COL6A6: variants seen among roughly 807,000 people sequenced by gnomAD.
The protein encoded by COL6A6 is collagen alpha-6(VI) chain.
A neutral mutation model predicts 208.6 loss-of-function variants in COL6A6; 183 were observed. That is an observed-to-expected ratio of 0.88 (90% CI 0.78 to 0.99). The LOEUF is 0.99. Ranked by LOEUF, COL6A6 falls within the 50% of genes least tolerant of loss-of-function variation. COL6A6 has a pLI of 0.00. For synonymous variants in COL6A6, 973 were observed against 1,011.8 expected, an observed-to-expected ratio of 0.96 and a Z score of 0.73; for missense variants, 2,816 against 2,815.2, an observed-to-expected ratio of 1.00 and a Z score of -0.01.
chr3:130,592,942 C>A, intron 15 of COL6A6, 119 bp from the exon 16 acceptor site: 1 of 961,386 alleles, frequency 1.0e-6, no homozygotes, highest in Non-Finnish European at 1.6e-6. Context: ...ATTAATAACC[C>A]AGGCCCAGCC....
chr3:130,525,600 A>G (rs2061943781), intron 1 of COL6A6, among the ~76,000 whole-genome samples: 1 of 152,184 alleles, frequency 6.6e-6, no homozygotes, highest in South Asian at 2.1e-4. Flanking sequence ...CCACAATTTA[A>G]ATCTTTTCAT....
At chr3:130,662,837 T>G (rs920583394) in intron 35 of COL6A6, among the ~76,000 whole-genome samples, 10 of 152,184 alleles carry the variant, frequency 6.6e-5, no homozygotes, top group African/African-American at 2.4e-4. Context: ...TTTCTTAGCC[T>G]TGTTAATGGC....
At chr3:130,625,459 ACAT>A (rs2064857335) in intron 24 of COL6A6, among the ~76,000 whole-genome samples, 1 of 152,306 alleles carries the variant, frequency 6.6e-6, no homozygotes, top group African/African-American at 2.4e-5. Flanking sequence ...ATCAAGGTTA[ACAT>A]CAACACTGAT....
chr3:130,617,966 T>A (rs2064584784), intron 23 of COL6A6, among the ~76,000 whole-genome samples: 1 of 152,210 alleles, frequency 6.6e-6, no homozygotes, highest in Non-Finnish European at 1.5e-5. Flanking sequence ...TTTCCTATCC[T>A]TGCTTAACAC....
At chr3:130,573,892 C>T in intron 7 of COL6A6, 64 bp from the exon 8 acceptor site, 9 of 1,215,856 alleles carry the variant, frequency 7.4e-6, no homozygotes, top group East Asian at 2.4e-5. Context: ...ATTGAATTTA[C>T]TCTTGGTGGA....
At chr3:130,537,129 T>C (rs183983070) in intron 1 of COL6A6, among the ~76,000 whole-genome samples, 2 of 152,372 alleles carry the variant, frequency 1.3e-5, no homozygotes, top group East Asian at 3.9e-4. Flanking sequence ...AGTTAATTAT[T>C]TTTTAGTGTA....
rs374174918 is a variant in COL6A6, at chr3:130,566,898, C to A, written c.1479C>A (p.Tyr493Ter). 6 of 1,613,944 alleles carry A rather than the reference C, an allele frequency of 3.7e-6. No homozygotes were observed. In the East Asian group the frequency reaches 1.3e-4, roughly 36 times the overall value. ...ACTTGGAATTTGAGATCAATAAATA[C>A]TCCAACAAGCAGGATTTGGGAAAGG... ...SWDLEFEINKYSNKQDLGKAI... is the reference protein window; with the variant it reads ...SWDLEFEINK Residue 493 changes from tyrosine (Y) to a stop codon, truncating the protein, a stop_gained, in exon 5 of 37, where the codon TAC becomes TAA. Transcript: ENST00000358511. LOFTEE classifies it high-confidence loss of function.
intron 5 of COL6A6, among the ~76,000 whole-genome samples, 200 bp downstream of exon 5, chr3:130,567,462 T>C (rs1448103178): frequency 6.6e-6 from 1 of 152,192 alleles, no homozygotes; most frequent in African/African-American, 2.4e-5. Context: ...AGAAAAATAT[T>C]TGGAGGAATT....
intron 1 of COL6A6, among the ~76,000 whole-genome samples, chr3:130,556,473 T>A (rs1258790887): frequency 2.0e-5 from 3 of 152,174 alleles, no homozygotes; most frequent in Non-Finnish European, 4.4e-5. Context: ...GTGTTTACTT[T>A]CTGTGAATAT....
At chr3:130,594,570 T>C (rs1313844840) in intron 18 of COL6A6, among the ~76,000 whole-genome samples, 1 of 152,246 alleles carries the variant, frequency 6.6e-6, no homozygotes, top group African/African-American at 2.4e-5. Flanking sequence ...ATTTTGTAAA[T>C]ACATACTCAG....
intron 1 of COL6A6, among the ~76,000 whole-genome samples, chr3:130,538,018 C>T (rs141558318): frequency 2.4e-3 from 373 of 152,322 alleles, no homozygotes; most frequent in African/African-American, 8.4e-3. Context: ...CACAGATTAT[C>T]TGGTACATTC....
chr3:130,591,704 A>G (rs987413072), intron 13 of COL6A6, among the ~76,000 whole-genome samples: 1 of 152,236 alleles, frequency 6.6e-6, no homozygotes, highest in Non-Finnish European at 1.5e-5. Context: ...CTTTCAAACT[A>G]GTAGAAATGC....
intron 2 of COL6A6, 147 bp downstream of exon 2, chr3:130,560,575 G>T (rs2062860466): frequency 1.6e-6 from 1 of 628,406 alleles, no homozygotes; most frequent in Non-Finnish European, 2.7e-6. Flanking sequence ...CAAATTCTTT[G>T]TAAGGTCACT....
chr3:130,585,717 C>T (rs974223270), intron 10 of COL6A6, among the ~76,000 whole-genome samples: 2 of 152,186 alleles, frequency 1.3e-5, no homozygotes, highest in African/African-American at 2.4e-5. Flanking sequence ...GACAATAGGC[C>T]TGTTACTCTT....
At position 130,634,579 on chromosome 3, in the gene COL6A6, G is replaced by T; in HGVS notation, c.4993-11G>T. On this transcript the variant is annotated splice_polypyrimidine_tract_variant and intron_variant, in intron 26 of 36. Coordinates refer to ENST00000358511, the MANE Select transcript of COL6A6 (RefSeq NM_001102608.3). The stretch of plus-strand genomic sequence containing the variant: ...TGTGCCTGTATAAATCTTTCCTCCT[G>T]TCCATTACAGGGACAAGAAGGATTC... 6.2e-7 allele frequency: 1 copy of T among 1,603,174 alleles called. No individual in the cohort carries two copies. The highest frequency in any genetic ancestry group is 8.5e-7 in the Non-Finnish European group (1 of 1,174,138).
In COL6A6 at chr3:130,589,169, C is replaced by T; in HGVS notation, c.4205C>T (p.Pro1402Leu). 6.2e-7 allele frequency: 1 copy of T among 1,612,646 alleles called. No homozygotes were observed. The stretch of plus-strand genomic sequence containing the variant: ...GATGGCACAATGGGAGATCCTGGAC[C>T]ACCAGGGAAAAGGGTGATTTTAGCT... ...GGDGTMGDPG[P>L]PGKRGPPGFK... Residue 1402 changes from proline (P) to leucine (L), a missense_variant, in exon 12 of 37, where the codon CCA becomes CTA. Transcript: ENST00000358511.
At chr3:130,645,116 T>G (rs1332340112) in intron 32 of COL6A6, 114 bp downstream of exon 32, 3 of 996,858 alleles carry the variant, frequency 3.0e-6, no homozygotes, top group Admixed American at 1.7e-5. Context: ...TTATCTGGGC[T>G]TTCTTTGCTG....
rs1243094079 is a variant in COL6A6 at position 130,573,998 on chromosome 3, G to A, written c.3020G>A (p.Gly1007Asp). 1.3e-5 allele frequency: 21 copies of A among 1,613,574 alleles called. No individual in the cohort carries two copies. The highest frequency in any genetic ancestry group is 1.7e-5 in the Non-Finnish European group (20 of 1,179,608). Residue 1007 changes from glycine to aspartate, a missense_variant, in exon 8 of 37, where the codon GGT becomes GAT. Transcript: ENST00000358511. ...GTAGATCTTGTTTTCCTTATGGATG[G>A]TTCAACTAGCATTCAGCCAAATGAC... ...DKVDLVFLMDGSTSIQPNDFK... is the reference protein window; with the variant it reads ...DKVDLVFLMDDSTSIQPNDFK...
At position 130,568,382 on chromosome 3, in the gene COL6A6, ATCC is replaced by A; in HGVS notation, c.2182_2184del (p.Leu728del). ...CCGGCCCAACATCAGAAAGTTTCTCATCCTCATCACGGATGGTGAAGCTCAGGA... is the reference window on the plus strand; with the variant it reads ...CCGGCCCAACATCAGAAAGTTTCTCATCATCACGGATGGTGAAGCTCAGGA... On this transcript the variant is annotated inframe_deletion, in exon 6 of 37. Coordinates refer to ENST00000358511, the MANE Select transcript of COL6A6 (RefSeq NM_001102608.3). 6.2e-7 allele frequency: 1 copy of A among 1,613,920 alleles called. No homozygotes were observed. Among genetic ancestry groups the A allele is most frequent in the African/African-American group, 1.3e-5 (1 of 75,038 alleles).
Sources: gnomAD v4.1 joint callset for allele counts (sites outside exome capture counted in the v4.1 genomes callset) on GRCh38, gnomAD v4.1.1 for gene constraint, MANE v1.5 for transcripts, NCBI Gene and HGNC (gene_info 2026-07-23, HGNC 2026-07-21) for gene names.